The following RBFOX1 variants were observed in gnomAD, a reference collection of about 807,000 sequenced individuals.
RBFOX1 encodes RNA binding protein fox-1 homolog 1.
RBFOX1 carries 8 observed loss-of-function variants against 57.7 expected under a neutral mutation model. The observed-to-expected ratio is 0.14, with a 90% confidence interval of 0.08 to 0.25. The LOEUF (loss-of-function observed/expected upper bound fraction) is 0.25. Among genes scored for constraint, RBFOX1 ranks in the 10% least tolerant of loss-of-function variants. RBFOX1 has a pLI of 1.00. For synonymous variants in RBFOX1, 326 were observed against 222.4 expected, an observed-to-expected ratio of 1.47 and a Z score of -4.15; for missense variants, 611 against 548.5, an observed-to-expected ratio of 1.11 and a Z score of -1.14.
intron 2 of RBFOX1, among the ~76,000 whole-genome samples, chr16:5,587,810 A>C (rs1422302216): frequency 3.9e-5 from 6 of 152,226 alleles, no homozygotes; most frequent in Admixed American, 6.5e-5. Context: ...GAGTTCCTCA[A>C]ATATTAAGCA....
intron 4 of RBFOX1, among the ~76,000 whole-genome samples, chr16:7,441,565 C>G (rs2098767143): frequency 6.6e-6 from 1 of 152,188 alleles, no homozygotes; most frequent in South Asian, 2.1e-4. Flanking sequence ...AACCTGAAAT[C>G]TACACTTTAG....
intron 3 of RBFOX1, among the ~76,000 whole-genome samples, chr16:6,769,324 C>G (rs372304240): frequency 2.0e-5 from 3 of 152,186 alleles, no homozygotes; most frequent in African/African-American, 7.2e-5. Context: ...CCATGTGGAA[C>G]TGTAAGTCTA....
rs1324043949 is a variant in RBFOX1, at chr16:6,911,977, G to C, written c.-15-140080G>C. On this transcript the variant is annotated intron_variant, in intron 3 of 15. Coordinates refer to ENST00000550418, the MANE Select transcript of RBFOX1 (RefSeq NM_018723.4). ...ATCCTTTGAGGCTTGGGAGTAGAAAGAACAAGAATAAAGATGTTAAGTAGA... is the reference window on the plus strand; with the variant it reads ...ATCCTTTGAGGCTTGGGAGTAGAAACAACAAGAATAAAGATGTTAAGTAGA... Among the ~76,000 whole-genome samples, 8 of 152,172 alleles carry C rather than the reference G, an allele frequency of 5.3e-5. No homozygotes were observed. In the East Asian group the frequency reaches 1.2e-3, roughly 22 times the overall value.
chr16:6,558,283 C>G (rs187317772), intron 2 of RBFOX1, among the ~76,000 whole-genome samples: 37 of 152,214 alleles, frequency 2.4e-4, no homozygotes, highest in African/African-American at 8.7e-4. Flanking sequence ...AAGCATTTTG[C>G]AAATCGAGAA....
intron 3 of RBFOX1, among the ~76,000 whole-genome samples, chr16:5,862,540 A>C (rs1036722006): frequency 5.3e-5 from 8 of 152,132 alleles, no homozygotes; most frequent in African/African-American, 1.9e-4. Context: ...GCAGACAGTC[A>C]CCCACTGCGT....
chr16:5,883,012 A>G (rs534893852), intron 4 of RBFOX1, among the ~76,000 whole-genome samples: 1 of 152,312 alleles, frequency 6.6e-6, no homozygotes, highest in South Asian at 2.1e-4. Flanking sequence ...TTTAATTTAA[A>G]TGATCCAGAC....
At chr16:7,333,082 G>A (rs1568255439) in intron 4 of RBFOX1, 3 of 1,613,676 alleles carry the variant, frequency 1.9e-6, no homozygotes, top group Non-Finnish European at 2.5e-6. Flanking sequence ...TTCCTGGACT[G>A]ATTCAGGTAA....
chr16:7,646,671 T>G (rs1057142608), intron 11 of RBFOX1, among the ~76,000 whole-genome samples: 1 of 152,228 alleles, frequency 6.6e-6, no homozygotes, highest in African/African-American at 2.4e-5. Flanking sequence ...TTGTATATTT[T>G]TATGGCTTTG....
At chr16:5,572,309 C>T (rs2046309078) in intron 2 of RBFOX1, among the ~76,000 whole-genome samples, 1 of 152,108 alleles carries the variant, frequency 6.6e-6, no homozygotes, top group Admixed American at 6.5e-5. Flanking sequence ...GAGTGCATAC[C>T]ATGTTCCTGA....
intron 4 of RBFOX1, among the ~76,000 whole-genome samples, chr16:7,459,936 A>C (rs1042348714): frequency 1.3e-5 from 2 of 152,146 alleles, no homozygotes; most frequent in African/African-American, 4.8e-5. Context: ...ATGTTTTAAT[A>C]GTTTATTGGT....
Position 5,269,923 on chromosome 16 carries a change from G to A in RBFOX1, c.219+29818G>A, listed in dbSNP as rs146616010. Among the ~76,000 whole-genome samples the A allele has an allele frequency of 9.9e-3, 1,510 of 152,290 alleles. 23 individuals are homozygous for A. The highest frequency in any genetic ancestry group is 0.027 in the African/African-American group (1,121 of 41,552). ...AAATCCCAGTGCTTTGGGAGGCTGCGGTGGGAGGATTGCTTGAGGCCAGGA... is the reference window on the plus strand; with the variant it reads ...AAATCCCAGTGCTTTGGGAGGCTGCAGTGGGAGGATTGCTTGAGGCCAGGA... On this transcript the variant is annotated intron_variant, in intron 1 of 2. Coordinates refer to the RBFOX1 transcript ENST00000585867.
intron 2 of RBFOX1, among the ~76,000 whole-genome samples, chr16:6,518,554 C>T (rs371942332): frequency 6.6e-6 from 1 of 152,160 alleles, no homozygotes; most frequent in South Asian, 2.1e-4. Flanking sequence ...CATGCTCTGG[C>T]ACCTCCTGTG....
At chr16:7,013,316 G>A (rs2093740280) in intron 3 of RBFOX1, among the ~76,000 whole-genome samples, 1 of 152,160 alleles carries the variant, frequency 6.6e-6, no homozygotes, top group Admixed American at 6.5e-5. Context: ...TTAACTCAGT[G>A]TTCTGCTCAT....
intron 4 of RBFOX1, among the ~76,000 whole-genome samples, chr16:7,362,289 G>A (rs1353505127): frequency 8.9e-6 from 1 of 111,988 alleles, no homozygotes; most frequent in Non-Finnish European, 1.8e-5. Flanking sequence ...GTTAGTATGT[G>A]TATGTTTTTC....
chr16:7,687,370 C>T (rs2076287428), intron 14 of RBFOX1, among the ~76,000 whole-genome samples: 2 of 151,922 alleles, frequency 1.3e-5, no homozygotes, highest in South Asian at 4.1e-4. Context: ...TATGAGCTTC[C>T]AGACAGGCAA....
intron 2 of RBFOX1, among the ~76,000 whole-genome samples, chr16:5,485,624 C>T (rs942726669): frequency 7.2e-5 from 11 of 152,310 alleles, no homozygotes; most frequent in African/African-American, 2.6e-4. Flanking sequence ...CCTCATTTCA[C>T]AGATAAAAGA....
intron 2 of RBFOX1, among the ~76,000 whole-genome samples, chr16:6,638,664 G>A (rs572530740): frequency 6.6e-6 from 1 of 152,178 alleles, no homozygotes; most frequent in Non-Finnish European, 1.5e-5. Flanking sequence ...GCCCTTTAAT[G>A]CCAAATATTA....
At chr16:5,665,404 A>G (rs531454373) in intron 3 of RBFOX1, among the ~76,000 whole-genome samples, 2 of 119,556 alleles carry the variant, frequency 1.7e-5, no homozygotes, top group Admixed American at 8.0e-5. Context: ...CCTTCCTGAT[A>G]AAAGTAGTTC....
intron 2 of RBFOX1, among the ~76,000 whole-genome samples, chr16:6,512,021 A>C (rs1011268701): frequency 7.9e-5 from 12 of 152,158 alleles, no homozygotes; most frequent in East Asian, 3.9e-4. Flanking sequence ...CTGTAATCCA[A>C]GCCCTCTGAG....
Sources: gnomAD v4.1 joint callset for allele counts (sites outside exome capture counted in the v4.1 genomes callset) on GRCh38, gnomAD v4.1.1 for gene constraint, MANE v1.5 for transcripts, NCBI Gene and HGNC (gene_info 2026-07-23, HGNC 2026-07-21) for gene names.